ARHGAP24: variants seen among roughly 807,000 people sequenced by gnomAD.
The protein encoded by ARHGAP24 is Rho GTPase activating protein 24.
In ARHGAP24, 50 loss-of-function variants were observed where a neutral mutation model predicts 76.4. The ratio of observed to expected loss-of-function variants is 0.65; its 90% CI spans 0.52 to 0.83. The LOEUF (loss-of-function observed/expected upper bound fraction) is 0.83, where lower values mean the gene tolerates loss of function less well. Ranked by LOEUF, ARHGAP24 falls within the 40% of genes least tolerant of loss-of-function variation. The pLI is 0.00. For missense variants in ARHGAP24, 930 were observed against 914.2 expected (o/e 1.02, Z -0.22); for synonymous variants, 345 against 323.3 (o/e 1.07, Z -0.72).
At chr4:85,890,070 A>G (rs191119755) in intron 3 of ARHGAP24, among the ~76,000 whole-genome samples, 1 of 152,166 alleles carries the variant, frequency 6.6e-6, no homozygotes, top group Non-Finnish European at 1.5e-5. Flanking sequence ...GAAAGCAAAG[A>G]TTCCCTGTTT....
At chr4:85,886,087 C>T (rs999867498) in intron 3 of ARHGAP24, among the ~76,000 whole-genome samples, 1 of 152,044 alleles carries the variant, frequency 6.6e-6, no homozygotes, top group African/African-American at 2.4e-5. Flanking sequence ...GAGATTGTAT[C>T]CAGATTTATC....
At chr4:85,961,558 G>C (rs147190024) in intron 5 of ARHGAP24, among the ~76,000 whole-genome samples, 3 of 152,132 alleles carry the variant, frequency 2.0e-5, no homozygotes, top group Admixed American at 6.6e-5. Flanking sequence ...CCCGGAATTA[G>C]ATAATCATAA....
intron 3 of ARHGAP24, among the ~76,000 whole-genome samples, chr4:85,730,213 T>G (rs1266100838): frequency 1.3e-5 from 2 of 152,350 alleles, no homozygotes; most frequent in South Asian, 4.1e-4. Flanking sequence ...AACTGAAATC[T>G]CTTATGTGAC....
chr4:85,629,935 T>C (rs1721104727), intron 2 of ARHGAP24, among the ~76,000 whole-genome samples: 1 of 152,110 alleles, frequency 6.6e-6, no homozygotes, highest in Non-Finnish European at 1.5e-5. Context: ...TTCTGACCCC[T>C]TTTCTTTCTC....
chr4:85,489,669 A>C (rs1053980129), intron 1 of ARHGAP24, among the ~76,000 whole-genome samples: 2 of 152,202 alleles, frequency 1.3e-5, no homozygotes, highest in South Asian at 2.1e-4. Flanking sequence ...ATGTGGTCTC[A>C]GAAACACTGG....
At chr4:85,881,119 A>G (rs145246165) in intron 3 of ARHGAP24, among the ~76,000 whole-genome samples, 124 of 152,304 alleles carry the variant, frequency 8.1e-4, no homozygotes, top group Non-Finnish European at 1.5e-3. Flanking sequence ...GCAACAATCT[A>G]TCTGCTAACC....
chr4:85,490,768 T>C (rs191787608), intron 1 of ARHGAP24, among the ~76,000 whole-genome samples: 55 of 152,304 alleles, frequency 3.6e-4, no homozygotes, highest in Admixed American at 1.2e-3. Flanking sequence ...GGCCAGTGAC[T>C]AGTATTTGAT....
At chr4:85,766,061 A>G (rs1726922240) in intron 3 of ARHGAP24, among the ~76,000 whole-genome samples, 2 of 152,132 alleles carry the variant, frequency 1.3e-5, no homozygotes, top group African/African-American at 2.4e-5. Context: ...GTACTTCACA[A>G]TCTGCTTTCA....
chr4:85,949,883 G>A (rs956135511), intron 5 of ARHGAP24, among the ~76,000 whole-genome samples: 14 of 152,176 alleles, frequency 9.2e-5, no homozygotes, highest in African/African-American at 3.4e-4. Flanking sequence ...CTTAGACACT[G>A]TTCTGGATGA....
chr4:85,910,392 G>A lies in ARHGAP24; in HGVS notation c.269-13256G>A, dbSNP rs371819029. Among the ~76,000 whole-genome samples the A allele has an allele frequency of 2.6e-4, 39 of 152,246 alleles. No homozygotes were observed. The East Asian group carries it at 6.8e-3, about 26-fold the overall frequency. Reference sequence around the variant, plus strand: ...AGCAGGCTCCAAGTTCTTGTCCTGCGACCAAGAACTCAGACAAGTGGAGGG... The same window carrying A: ...AGCAGGCTCCAAGTTCTTGTCCTGCAACCAAGAACTCAGACAAGTGGAGGG... On this transcript the variant is annotated intron_variant, in intron 3 of 9. Coordinates refer to ENST00000395184, the MANE Select transcript of ARHGAP24 (RefSeq NM_001025616.3).
chr4:85,647,975 C>A (rs970905545), intron 2 of ARHGAP24, among the ~76,000 whole-genome samples: 1 of 152,074 alleles, frequency 6.6e-6, no homozygotes, highest in African/African-American at 2.4e-5. Flanking sequence ...CATTGCTGTA[C>A]CAGCAATCCT....
intron 1 of ARHGAP24, among the ~76,000 whole-genome samples, chr4:85,507,886 C>CT (rs921163407): frequency 1.7e-3 from 258 of 150,770 alleles, no homozygotes; most frequent in African/African-American, 5.9e-3. Flanking sequence ...TCCTTGTGAC[C>CT]TTTTTTTTTA....
At chr4:85,920,531 G>A (rs1240650854) in intron 3 of ARHGAP24, among the ~76,000 whole-genome samples, 1 of 152,024 alleles carries the variant, frequency 6.6e-6, no homozygotes, top group South Asian at 2.1e-4. Context: ...TTGACAAATG[G>A]GATCTAATTA....
intron 1 of ARHGAP24, among the ~76,000 whole-genome samples, chr4:85,485,360 AAAAAAAAAAAAAAAAAATATATAT>A (rs1331638170): frequency 8.6e-5 from 5 of 57,986 alleles, no homozygotes; most frequent in South Asian, 8.1e-4. Flanking sequence ...AAAAAAAAAA[AAAAAAAAAAAAAAAAAATATATAT>A]ATATATATAT....
chr4:85,844,657 A>T (rs1196240982), intron 3 of ARHGAP24, among the ~76,000 whole-genome samples: 2 of 152,178 alleles, frequency 1.3e-5, no homozygotes, highest in African/African-American at 4.8e-5. Context: ...AATGATTTGG[A>T]TGTGTCCCGT....
At chr4:85,983,210 A>G (rs978700897) in intron 8 of ARHGAP24, among the ~76,000 whole-genome samples, 1 of 152,138 alleles carries the variant, frequency 6.6e-6, no homozygotes, top group African/African-American at 2.4e-5. Context: ...TGTCTTTGCT[A>G]TTGTGAATAT....
chr4:85,520,188 A>G (rs529448161), intron 1 of ARHGAP24, among the ~76,000 whole-genome samples: 1 of 152,298 alleles, frequency 6.6e-6, no homozygotes, highest in African/African-American at 2.4e-5. Flanking sequence ...GTGGGAAAGC[A>G]TATAAAATTT....
chr4:85,583,817 T>G (rs529354228), intron 2 of ARHGAP24, among the ~76,000 whole-genome samples: 149 of 149,958 alleles, frequency 9.9e-4, no homozygotes, highest in African/African-American at 3.6e-3. Flanking sequence ...AAGACATTTA[T>G]GCAGCCAAAA....
intron 2 of ARHGAP24, among the ~76,000 whole-genome samples, chr4:85,590,413 G>T (rs1195772462): frequency 6.6e-6 from 1 of 151,822 alleles, no homozygotes; most frequent in Non-Finnish European, 1.5e-5. Context: ...AGGCTGGAGT[G>T]CAGTGGTGAG....
Sources: allele counts gnomAD v4.1 joint callset (sites outside exome capture counted in the v4.1 genomes callset), GRCh38; gene constraint gnomAD v4.1.1; transcripts MANE v1.5; gene names NCBI Gene and HGNC (gene_info 2026-07-23, HGNC 2026-07-21).